Variants in CDH13 observed in about 807,000 individuals in gnomAD.
CDH13 encodes the protein cadherin 13.
A neutral mutation model predicts 63.8 loss-of-function variants in CDH13; 24 were observed. That is an observed-to-expected ratio of 0.38 (90% CI 0.27 to 0.53). The LOEUF is 0.53. Among genes scored for constraint, CDH13 ranks in the 20% least tolerant of loss-of-function variants. CDH13 has a pLI of 0.85. For missense variants in CDH13, 1,049 were observed against 903.1 expected, an observed-to-expected ratio of 1.16 and a Z score of -2.07; for synonymous variants, 503 against 355.3, an observed-to-expected ratio of 1.42 and a Z score of -4.67.
intron 2 of CDH13, among the ~76,000 whole-genome samples, chr16:82,969,975 G>A (rs545932555): frequency 6.6e-5 from 10 of 151,016 alleles, no homozygotes; most frequent in South Asian, 2.1e-4. Context: ...TCTGGGGTAC[G>A]TGTGCAGAAC....
At chr16:82,943,307 G>T (rs1229133629) in intron 2 of CDH13, among the ~76,000 whole-genome samples, 4 of 152,146 alleles carry the variant, frequency 2.6e-5, no homozygotes, top group Non-Finnish European at 4.4e-5. Flanking sequence ...AGCCACATAT[G>T]ATAGTATTGC....
rs549520913 is a variant in CDH13, at chr16:83,608,845, A to C, written c.1101+6251A>C. On this transcript the variant is annotated intron_variant, in intron 8 of 13. Transcript: ENST00000567109. ...TTTAATTAAAATATTGTGTTAATTA[A>C]CTGCCTAATACAACCTCTAATAGTT... Among the ~76,000 whole-genome samples, 20 of 152,042 alleles carry C rather than the reference A, an allele frequency of 1.3e-4. No homozygotes were observed. The East Asian group carries it at 3.9e-3, about 29-fold the overall frequency.
chr16:82,836,791 A>G (rs1180772544), intron 1 of CDH13, among the ~76,000 whole-genome samples: 1 of 148,666 alleles, frequency 6.7e-6, no homozygotes, highest in Non-Finnish European at 1.5e-5. Context: ...AGGTGAATTC[A>G]TTTCTACCCA....
At chr16:82,918,019 T>A (rs1314594513) in intron 2 of CDH13, among the ~76,000 whole-genome samples, 1 of 151,770 alleles carries the variant, frequency 6.6e-6, no homozygotes, top group African/African-American at 2.4e-5. Context: ...TCCTGACAAT[T>A]GCAAATGTTA....
At position 82,705,643 on chromosome 16, in the gene CDH13, C is replaced by T. The variant is rs556412581; in HGVS notation, c.45+78506C>T. Among the ~76,000 whole-genome samples, 29 of 152,078 alleles carry T rather than the reference C, an allele frequency of 1.9e-4. 1 individual carries two copies. The highest frequency in any genetic ancestry group is 9.8e-4 in the Admixed American group (15 of 15,256). The stretch of plus-strand genomic sequence containing the variant: ...GGACACATTTCACCACACACGCCTG[C>T]TTCTTTCTTGCCAGTATTTCATTCA... On this transcript the variant is annotated intron_variant, in intron 1 of 13. Transcript: ENST00000567109.
chr16:83,397,865 T>A (rs2091911117), intron 6 of CDH13: 1 of 152,210 alleles, frequency 6.6e-6, no homozygotes, highest in Admixed American at 6.5e-5. Flanking sequence ...ACATTTGTTA[T>A]AAATGAAGAA....
intron 6 of CDH13, among the ~76,000 whole-genome samples, chr16:83,409,228 A>AG (rs140723125): frequency 0.11 from 17,391 of 152,116 alleles, 1,286 homozygotes; most frequent in Middle Eastern, 0.18. Flanking sequence ...AAAACGCATA[A>AG]GCTTCAGAGA....
At chr16:82,751,841 C>A (rs8048570) in intron 1 of CDH13, among the ~76,000 whole-genome samples, 1 of 152,162 alleles carries the variant, frequency 6.6e-6, no homozygotes, top group East Asian at 1.9e-4. Context: ...TGTTGGTGAG[C>A]GGATGAGAAA....
intron 2 of CDH13, among the ~76,000 whole-genome samples, chr16:83,017,054 C>T (rs976459672): frequency 2.6e-5 from 4 of 152,186 alleles, no homozygotes; most frequent in African/African-American, 9.7e-5. Flanking sequence ...ATAGACAGAT[C>T]AATGATAGCA....
intron 2 of CDH13, among the ~76,000 whole-genome samples, chr16:82,984,907 G>A (rs1203732226): frequency 6.6e-6 from 1 of 152,142 alleles, no homozygotes; most frequent in Non-Finnish European, 1.5e-5. Context: ...GGGACTTACA[G>A]TGAATTGTCA....
intron 1 of CDH13, among the ~76,000 whole-genome samples, chr16:82,663,230 T>TA (rs1912179016): frequency 1.3e-5 from 2 of 152,174 alleles, no homozygotes; most frequent in Non-Finnish European, 2.9e-5. Flanking sequence ...GTTGTTGCCC[T>TA]GGCTGGAGTG....
chr16:83,044,239 A>G (rs1358644368), intron 3 of CDH13, among the ~76,000 whole-genome samples: 4 of 152,222 alleles, frequency 2.6e-5, no homozygotes, highest in Non-Finnish European at 5.9e-5. Context: ...AAGTGGCAGG[A>G]CTGGAAGTTG....
chr16:82,731,828 A>G (rs933919588), intron 1 of CDH13, among the ~76,000 whole-genome samples: 1 of 152,236 alleles, frequency 6.6e-6, no homozygotes, highest in Non-Finnish European at 1.5e-5. Flanking sequence ...TACATAATCA[A>G]CATATATGTG....
intron 2 of CDH13, among the ~76,000 whole-genome samples, chr16:82,956,997 A>G (rs979438717): frequency 1.3e-5 from 2 of 152,178 alleles, no homozygotes; most frequent in African/African-American, 4.8e-5. Context: ...ACATAAATCT[A>G]TCTGAGAGAT....
chr16:83,413,864 C>A (rs572383142), intron 6 of CDH13, among the ~76,000 whole-genome samples: 1 of 152,040 alleles, frequency 6.6e-6, no homozygotes, highest in African/African-American at 2.4e-5. Context: ...GGTGGGCACA[C>A]ACCTGTAATC....
At chr16:83,400,019 G>A (rs553142884) in intron 6 of CDH13, among the ~76,000 whole-genome samples, 6 of 152,150 alleles carry the variant, frequency 3.9e-5, no homozygotes, top group Admixed American at 3.3e-4. Context: ...GGTGCCTAAT[G>A]GTTACATCTG....
intron 4 of CDH13, among the ~76,000 whole-genome samples, chr16:83,132,791 A>G (rs1221253305): frequency 1.3e-5 from 2 of 152,208 alleles, no homozygotes; most frequent in Non-Finnish European, 2.9e-5. Context: ...GCTAGAGTAT[A>G]GGAGAAAAAT....
chr16:83,461,813 A>G (rs900509825), intron 6 of CDH13, among the ~76,000 whole-genome samples: 2 of 152,216 alleles, frequency 1.3e-5, no homozygotes, highest in South Asian at 2.1e-4. Context: ...TATAAGAGCT[A>G]TAGTGGAACT....
chr16:83,181,230 T>C, intron 4 of CDH13: 2 of 382,302 alleles, frequency 5.2e-6, no homozygotes, highest in Non-Finnish European at 9.5e-6. Flanking sequence ...CTTAATTTCT[T>C]CTCAGTCCAA....
Sources: allele counts gnomAD v4.1 joint callset (sites outside exome capture counted in the v4.1 genomes callset), GRCh38; gene constraint gnomAD v4.1.1; transcripts MANE v1.5; gene names NCBI Gene and HGNC (gene_info 2026-07-23, HGNC 2026-07-21).